BRME1: variants seen among roughly 807,000 people sequenced by gnomAD.
BRME1 encodes the protein BRCA2 and MEILB2-associating protein 1.
A neutral mutation model predicts 52.6 loss-of-function variants in BRME1; 31 were observed. The observed-to-expected ratio is 0.59, with a 90% CI of 0.44 to 0.80. BRME1 has a LOEUF of 0.80. Among genes scored for constraint, BRME1 ranks in the 30% least tolerant of loss-of-function variants. The pLI is 0.00. For missense variants in BRME1, 804 were observed against 860.3 expected (o/e 0.93, Z 0.82); for synonymous variants, 359 against 353.6 (o/e 1.02, Z -0.17).
rs1405009787 is a variant in BRME1 at position 13,888,257 on chromosome 19, CAG to C, written c.1668+929_1668+930del. ...CTCAACACAGGGACAGCCAAAGAAACAGAGGCTGACATTTGAAAAGCAAATTG... is the reference window on the plus strand; with the variant it reads ...CTCAACACAGGGACAGCCAAAGAAACAGGCTGACATTTGAAAAGCAAATTG... On this transcript the variant is annotated intron_variant, in intron 6 of 8. Coordinates refer to ENST00000586783, the MANE Select transcript of BRME1 (RefSeq NM_001345843.2). This position sits in a 1 kb window ranked among gnomAD's most constrained non-coding sequence, Gnocchi z 4.1. 1 of 151,064 alleles carries C rather than the reference CAG, an allele frequency of 6.6e-6. No individual in the cohort carries two copies. Among genetic ancestry groups the C allele is most frequent in the Non-Finnish European group, 1.5e-5 (1 of 67,890 alleles). 9.4% of individuals were successfully genotyped at this position (151,064 alleles called of 1,614,324 possible).
At chr19:13,905,478 A>G (rs894785688) in intron 1 of BRME1, among the ~76,000 whole-genome samples, 1 of 149,544 alleles carries the variant, frequency 6.7e-6, no homozygotes, top group African/African-American at 2.5e-5. Flanking sequence ...ACTGCACTCC[A>G]GCCTGGGCGA....
intron 2 of BRME1, among the ~76,000 whole-genome samples, chr19:13,900,812 C>G (rs1325825681): frequency 1.3e-5 from 2 of 151,702 alleles, no homozygotes; most frequent in Non-Finnish European, 2.9e-5. Flanking sequence ...GCTGGGATTA[C>G]AGACACATGC....
chr19:13,901,040 A>G (rs1012035460), intron 2 of BRME1, among the ~76,000 whole-genome samples: 1 of 151,990 alleles, frequency 6.6e-6, no homozygotes, highest in African/African-American at 2.4e-5. Context: ...AGGCGCAATC[A>G]TAGCTCACTG....
intron 2 of BRME1, among the ~76,000 whole-genome samples, chr19:13,902,706 C>T (rs1268611403): frequency 6.6e-6 from 1 of 151,716 alleles, no homozygotes; most frequent in Non-Finnish European, 1.5e-5. Flanking sequence ...CCAAGACGGG[C>T]AGATCACCTG....
At chr19:13,887,287 T>C (rs889488489) in intron 6 of BRME1, among the ~76,000 whole-genome samples, 11 of 152,208 alleles carry the variant, frequency 7.2e-5, no homozygotes, top group African/African-American at 2.4e-4. Flanking sequence ...CACGGGAATG[T>C]GTTCCTTGCC....
chr19:13,890,550 C>T (rs1205369539), intron 5 of BRME1, 88 bp from the exon 6 acceptor site: 4 of 1,272,870 alleles, frequency 3.1e-6, no homozygotes, highest in African/African-American at 3.1e-5. Flanking sequence ...AAAGTAATTG[C>T]GGGTTTTGTC....
In BRME1 at chr19:13,883,603, C is replaced by T; in HGVS notation, c.1764-203G>A. The T allele has an allele frequency of 1.9e-6, 1 of 540,506 alleles. No individual in the cohort carries two copies. Among genetic ancestry groups the T allele is most frequent in the South Asian group, 2.3e-5 (1 of 43,270 alleles). 33.5% of individuals were successfully genotyped at this position (540,506 alleles called of 1,614,324 possible). ...CAGAACCCAACCGCTTCTCCCCTAC[C>T]TGCCCTGCCCTCTCAGGACGCTGCT... On this transcript the variant is annotated intron_variant, in intron 7 of 8. Transcript: ENST00000586783. The surrounding 1 kb of genome is among the most constrained non-coding windows in gnomAD (Gnocchi z 4.2).
chr19:13,883,075 A>G lies in BRME1; in HGVS notation c.1857-123T>C. On this transcript the variant is annotated intron_variant, in intron 8 of 8. Coordinates refer to ENST00000586783, the MANE Select transcript of BRME1 (RefSeq NM_001345843.2). The surrounding 1 kb of genome is among the most constrained non-coding windows in gnomAD (Gnocchi z 4.2). ...GCACACACACGGCTCACACACGTGC[A>G]CATAACCAGAAAGGGCCTGTTGTAG... 1.6e-6 allele frequency: 2 copies of G among 1,284,058 alleles called. No individual in the cohort carries two copies. The highest frequency in any genetic ancestry group is 2.1e-6 in the Non-Finnish European group (2 of 930,684). The allele number at this position is 1,284,058 out of a possible 1,614,324, so 79.5% of individuals were successfully genotyped here. A position where few individuals can be genotyped will look rare whatever the true frequency, so the allele number is the denominator to read the frequency against.
rs1969827835 is a variant in BRME1, at chr19:13,895,544, C to T, written c.34G>A (p.Glu12Lys). 1 of 1,612,044 alleles carries T rather than the reference C, an allele frequency of 6.2e-7. No homozygotes were observed. The highest frequency in any genetic ancestry group is 8.5e-7 in the Non-Finnish European group (1 of 1,179,064). The change falls in exon 3 of 9, where the codon GAG becomes AAG. Residue 12 changes from glutamate (E) to lysine (K), a missense_variant and splice_region_variant. Transcript: ENST00000586783. ...TKRKKLRTSG[E>K]GLCPPKPLKN... The stretch of plus-strand genomic sequence containing the variant: ...AGGGGTTTTGGAGGACAGAGTCCCT[C>T]TCCTGTTTTAGAGACAGAGGAAGAT...
intron 2 of BRME1, 42 bp downstream of exon 2, chr19:13,904,820 G>A (rs753505298): frequency 1.2e-6 from 2 of 1,601,754 alleles, no homozygotes; most frequent in Admixed American, 1.7e-5. Flanking sequence ...CTTCCCACAA[G>A]CAGAAGCAGA....
chr19:13,895,332 G>A (rs749296832), intron 3 of BRME1, 40 bp downstream of exon 3: 1 of 1,590,864 alleles, frequency 6.3e-7, no homozygotes, highest in East Asian at 2.2e-5. Flanking sequence ...TATGTGGACT[G>A]TCAGTGGGGA....
intron 5 of BRME1, among the ~76,000 whole-genome samples, chr19:13,891,123 G>A (rs1015019906): frequency 1.8e-5 from 2 of 111,034 alleles, no homozygotes; most frequent in African/African-American, 9.8e-5. Context: ...CCACACCAAT[G>A]TCAATTTCCT....
chr19:13,886,789 G>T, intron 6 of BRME1, among the ~76,000 whole-genome samples: 1 of 117,010 alleles, frequency 8.5e-6, no homozygotes. Context: ...GCGAGACCCT[G>T]TCTGTACAAA....
At chr19:13,905,293 C>T (rs952979741) in intron 1 of BRME1, among the ~76,000 whole-genome samples, 2 of 151,860 alleles carry the variant, frequency 1.3e-5, no homozygotes, top group Non-Finnish European at 2.9e-5. Flanking sequence ...GAGGACTCTC[C>T]AGGGGCCTCT....
rs35791732 is a variant in BRME1 at position 13,893,916 on chromosome 19, C to CA, written c.207-694dup. 2.5e-3 allele frequency among the ~76,000 whole-genome samples: 364 copies of CA among 144,326 alleles called. 3 individuals are homozygous for CA. In the East Asian group the frequency reaches 0.04, roughly 16 times the overall value. The allele number at this position is 144,326 out of a possible 152,430, so 94.7% of individuals were successfully genotyped here. A position where few individuals can be genotyped will look rare whatever the true frequency, so the allele number is the denominator to read the frequency against. On this transcript the variant is annotated intron_variant, in intron 3 of 8. Coordinates refer to ENST00000586783, the MANE Select transcript of BRME1 (RefSeq NM_001345843.2). Reference sequence around the variant, plus strand: ...TGGGTGACAGAGCAAGACCCTATCTCAAAAAAAAAAAAATGTCTGCTAGAT... The same window carrying CA: ...TGGGTGACAGAGCAAGACCCTATCTCAAAAAAAAAAAAAATGTCTGCTAGAT...
Position 13,890,034 on chromosome 19 carries a change from G to A in BRME1, c.822C>T (p.Asp274=), listed in dbSNP as rs749115967. The A allele has an allele frequency of 2.9e-5, 46 of 1,613,318 alleles. No individual in the cohort carries two copies. Among genetic ancestry groups the A allele is most frequent in the Middle Eastern group, 3.3e-4 (2 of 6,084 alleles). The change falls in exon 6 of 9, where the codon GAC becomes GAT. Residue 274 remains aspartate (D), a synonymous_variant. Coordinates refer to ENST00000586783, the MANE Select transcript of BRME1 (RefSeq NM_001345843.2). ...CTGATGCTGGGGTACAGGGGACACC[G>A]TCTCCCTCCTCCTGGGGCCCTCCAG... ...GLPGGPQEEG[D]GVPCTPASAP... is the part of the protein sequence containing the mutation.
chr19:13,898,432 A>G (rs1970054888), intron 2 of BRME1, among the ~76,000 whole-genome samples: 1 of 151,994 alleles, frequency 6.6e-6, no homozygotes, highest in Admixed American at 6.6e-5. Flanking sequence ...TAACACAGTG[A>G]GATCCCACCT....
Position 13,889,199 on chromosome 19 carries a change from G to C in BRME1, c.1657C>G (p.Pro553Ala), listed in dbSNP as rs1173305381. The change falls in exon 6 of 9, where the codon CCA becomes GCA. Residue 553 changes from proline (P) to alanine (A), a missense_variant. Transcript: ENST00000586783. ...DALDASDFEA[P>A]PEQLFPSGNK... ...AGGGCAGCTCTCACCTGCTCAGGTG[G>C]GGCTTCGAAGTCAGAGGCGTCCAGG... The C allele has an allele frequency of 6.3e-7, 1 of 1,584,194 alleles. No individual in the cohort carries two copies. Among genetic ancestry groups the C allele is most frequent in the Non-Finnish European group, 8.6e-7 (1 of 1,163,774 alleles).
intron 5 of BRME1, among the ~76,000 whole-genome samples, chr19:13,892,404 G>C (rs1969567369): frequency 1.3e-5 from 2 of 151,982 alleles, no homozygotes; most frequent in Admixed American, 1.3e-4. Flanking sequence ...TGGCCAACAT[G>C]GTAAAACCCC....
Sources: gnomAD v4.1 joint callset for allele counts (sites outside exome capture counted in the v4.1 genomes callset) on GRCh38, gnomAD v4.1.1 for gene constraint, Gnocchi (gnomAD v3.1) non-coding constraint, MANE v1.5 for transcripts, NCBI Gene and HGNC (gene_info 2026-07-23, HGNC 2026-07-21) for gene names.